OARD1: variants seen among roughly 807,000 people sequenced by gnomAD.
OARD1 encodes the protein ADP-ribose glycohydrolase OARD1.
OARD1 carries 19 observed loss-of-function variants against 19.7 expected under a neutral mutation model. The observed-to-expected ratio is 0.96, with a 90% CI of 0.67 to 1.41. The LOEUF (loss-of-function observed/expected upper bound fraction) is 1.41. Among genes scored for constraint, OARD1 ranks in the 40% most tolerant of loss-of-function variants. The probability of loss-of-function intolerance (pLI) is 0.00; values close to 1 mark genes in which losing one functional copy is unlikely to be tolerated. For missense variants in OARD1, 190 were observed against 183.8 expected (o/e 1.03, Z -0.20); for synonymous variants, 70 against 61.8 (o/e 1.13, Z -0.62).
chr6:41,071,591 C>T lies in OARD1; in HGVS notation c.39+5G>A, dbSNP rs763272928. On this transcript the variant is annotated splice_donor_5th_base_variant and intron_variant, in intron 2 of 5. Coordinates refer to ENST00000424266, the MANE Select transcript of OARD1 (RefSeq NM_001329686.2). ...TTCACCAATAAGTCAATAGTTGTTA[C>T]GCACTCTGCTTCCTTCTGGATCTTC... The T allele has an allele frequency of 1.9e-6, 3 of 1,610,200 alleles. No individual in the cohort carries two copies. Among genetic ancestry groups the T allele is most frequent in the East Asian group, 2.2e-5 (1 of 44,864 alleles).
intron 1 of OARD1, among the ~76,000 whole-genome samples, chr6:41,085,872 C>T (rs1041314223): frequency 4.0e-5 from 6 of 151,532 alleles, no homozygotes; most frequent in Admixed American, 2.0e-4. Flanking sequence ...CATTTGGGCA[C>T]GATAGTTTTA....
chr6:41,071,068 A>G (rs796956371), intron 3 of OARD1, 64 bp downstream of exon 3: 1 of 1,493,442 alleles, frequency 6.7e-7, no homozygotes. Flanking sequence ...TATTTTATTA[A>G]AGTGTAACAG....
At chr6:41,077,547 GTGTAT>G (rs1298529974), upstream of OARD1, among the ~76,000 whole-genome samples, 2 of 149,416 alleles carry the variant, frequency 1.3e-5, no homozygotes, top group South Asian at 2.1e-4. Context: ...TAAATGTATT[GTGTAT>G]TAGAGACAAG....
chr6:41,079,810 A>G (rs185256529), intron 1 of OARD1, among the ~76,000 whole-genome samples: 2 of 152,312 alleles, frequency 1.3e-5, no homozygotes, highest in East Asian at 3.9e-4. Context: ...ATTTGACCTT[A>G]GGCCAAGATT....
intron 1 of OARD1, among the ~76,000 whole-genome samples, chr6:41,084,427 T>C (rs1054510915): frequency 6.6e-6 from 1 of 152,192 alleles, no homozygotes; most frequent in South Asian, 2.1e-4. Flanking sequence ...CTGTAAAGTA[T>C]ATGAAGAGGT....
chr6:41,081,879 A>G (rs1259974561), intron 1 of OARD1, among the ~76,000 whole-genome samples: 1 of 152,212 alleles, frequency 6.6e-6, no homozygotes, highest in African/African-American at 2.4e-5. Context: ...TGGTTAATCA[A>G]TACAGTTCTT....
At chr6:41,090,469 T>A (rs927163074) in intron 1 of OARD1, among the ~76,000 whole-genome samples, 1 of 152,232 alleles carries the variant, frequency 6.6e-6, no homozygotes, top group Non-Finnish European at 1.5e-5. Flanking sequence ...TGTTGGTTTC[T>A]TGTCACCATC....
chr6:41,095,399 T>G (rs1582038622), intron 1 of OARD1, among the ~76,000 whole-genome samples: 1 of 152,316 alleles, frequency 6.6e-6, no homozygotes, highest in South Asian at 2.1e-4. Context: ...CCCTATCTGT[T>G]AGGTCTGGGT....
chr6:41,066,201 A>C lies in OARD1; in HGVS notation c.*1134T>G, dbSNP rs907412303. On this transcript the variant is annotated 3_prime_UTR_variant, in exon 6 of 6. Transcript: ENST00000424266. ...GAGTGCAGTGGCACAATCACAGCTCAATGCAACTTCAACCTCCCAGGCTCA... is the reference window on the plus strand; with the variant it reads ...GAGTGCAGTGGCACAATCACAGCTCCATGCAACTTCAACCTCCCAGGCTCA... 3.3e-5 allele frequency: 5 copies of C among 152,208 alleles called. No homozygotes were observed. The highest frequency in any genetic ancestry group is 1.5e-5 in the Non-Finnish European group (1 of 68,066). The allele number at this position is 152,208 out of a possible 1,614,324, so 9.4% of individuals were successfully genotyped here. A position where few individuals can be genotyped will look rare whatever the true frequency, so the allele number is the denominator to read the frequency against.
At chr6:41,070,879 T>C (rs1044107404) in intron 3 of OARD1, 5 of 601,138 alleles carry the variant, frequency 8.3e-6, no homozygotes, top group Non-Finnish European at 1.5e-5. Context: ...CTCAGAGTTA[T>C]TTCAAGTTTC....
chr6:41,096,089 G>GT (rs901306654), intron 1 of OARD1, among the ~76,000 whole-genome samples: 23 of 151,976 alleles, frequency 1.5e-4, no homozygotes, highest in African/African-American at 4.3e-4. Context: ...TGGTTAAAGT[G>GT]TTTTTTTTAA....
At chr6:41,074,892 C>G (rs1763691509), upstream of OARD1, among the ~76,000 whole-genome samples, 1 of 152,158 alleles carries the variant, frequency 6.6e-6, no homozygotes, top group Non-Finnish European at 1.5e-5. Context: ...ATTATTTTTA[C>G]TCATGTGAAT....
intron 1 of OARD1, among the ~76,000 whole-genome samples, chr6:41,083,286 G>C (rs1384123509): frequency 6.6e-6 from 1 of 152,154 alleles, no homozygotes; most frequent in East Asian, 1.9e-4. Context: ...TTGTACACTT[G>C]ACTGCTCTGT....
chr6:41,095,441 TTCTC>T (rs936917940), intron 1 of OARD1, among the ~76,000 whole-genome samples: 15 of 152,334 alleles, frequency 9.8e-5, no homozygotes, highest in African/African-American at 3.6e-4. Context: ...AATAGATCTC[TTCTC>T]TCTCAGTATG....
intron 1 of OARD1, among the ~76,000 whole-genome samples, chr6:41,078,315 C>T (rs1450794847): frequency 6.6e-6 from 1 of 152,154 alleles, no homozygotes; most frequent in Non-Finnish European, 1.5e-5. Flanking sequence ...TGGTACTGTA[C>T]TTTGCCACGA....
At chr6:41,084,050 A>G (rs1477754716) in intron 1 of OARD1, 1 of 1,602,222 alleles carries the variant, frequency 6.2e-7, no homozygotes, top group African/African-American at 1.3e-5. Flanking sequence ...TTCTAGGTCC[A>G]AGGGCAGCCA....
chr6:41,093,149 CTT>C, intron 1 of OARD1: 1 of 1,437,500 alleles, frequency 7.0e-7, no homozygotes. Flanking sequence ...TTGAAATTAT[CTT>C]TTATATGGCT....
chr6:41,087,912 G>A (rs1431171377), intron 1 of OARD1, among the ~76,000 whole-genome samples: 1 of 152,064 alleles, frequency 6.6e-6, no homozygotes, highest in African/African-American at 2.4e-5. Context: ...GATAGCACAC[G>A]ATCCCTTGCT....
chr6:41,073,662 T>A (rs1763619403), upstream of OARD1, among the ~76,000 whole-genome samples: 2 of 151,588 alleles, frequency 1.3e-5, no homozygotes, highest in African/African-American at 4.8e-5. Flanking sequence ...GGCCGCGGGG[T>A]CCCGTGTGCG....
Sources: allele counts gnomAD v4.1 joint callset (sites outside exome capture counted in the v4.1 genomes callset), GRCh38; gene constraint gnomAD v4.1.1; transcripts MANE v1.5; gene names NCBI Gene and HGNC (gene_info 2026-07-23, HGNC 2026-07-21).